BRAF: variants seen among roughly 807,000 people sequenced by gnomAD.
BRAF encodes serine/threonine-protein kinase B-raf.
Under a neutral mutation model 104.6 loss-of-function variants are expected in BRAF, and 16 were observed. The observed-to-expected ratio is 0.15, with a 90% CI of 0.10 to 0.23. BRAF has a LOEUF of 0.23. BRAF is among the 10% of genes least tolerant of loss of function. The probability of loss-of-function intolerance (pLI) is 1.00; values close to 1 mark genes in which losing one functional copy is unlikely to be tolerated. For synonymous variants in BRAF, 310 were observed against 341.6 expected, an observed-to-expected ratio of 0.91 and a Z score of 1.02; for missense variants, 541 against 937.3, an observed-to-expected ratio of 0.58 and a Z score of 5.52.
At chr7:140,763,443 G>T (rs1168446498) in intron 14 of BRAF, among the ~76,000 whole-genome samples, 1 of 152,104 alleles carries the variant, frequency 6.6e-6, no homozygotes, top group Non-Finnish European at 1.5e-5. Context: ...CCCGGACGAG[G>T]CAGCTGGCTG....
chr7:140,850,618 T>C (rs1178500728), intron 1 of BRAF, among the ~76,000 whole-genome samples: 1 of 152,196 alleles, frequency 6.6e-6, no homozygotes. Context: ...AAATACTATA[T>C]ATAAAATACT....
intron 3 of BRAF, among the ~76,000 whole-genome samples, chr7:140,813,909 A>ACACACACG: frequency 6.6e-6 from 1 of 152,150 alleles, no homozygotes; most frequent in African/African-American, 2.4e-5. Context: ...ACACACACAC[A>ACACACACG]CACACCCTCC....
intron 5 of BRAF, among the ~76,000 whole-genome samples, chr7:140,804,992 T>G (rs1562968275): frequency 1.3e-5 from 2 of 151,756 alleles, no homozygotes; most frequent in Non-Finnish European, 2.9e-5. Context: ...TTTGGAGAGA[T>G]GAGGTTTTGT....
Position 140,882,390 on chromosome 7 carries a change from T to G in BRAF, c.139-32178A>C, listed in dbSNP as rs973478090. ...AAGTATCTTTTTTTTTTTTTTTTTT[T>G]TGTGAGATGGAGTCTTGCTCTGTCA... On this transcript the variant is annotated intron_variant, in intron 1 of 19. Coordinates refer to ENST00000644969, the MANE Select transcript of BRAF (RefSeq NM_001374258.1). Among the ~76,000 whole-genome samples the G allele has an allele frequency of 2.2e-3, 337 of 150,614 alleles. 1 individual carries two copies. Among genetic ancestry groups the G allele is most frequent in the African/African-American group, 7.8e-3 (322 of 41,058 alleles).
intron 4 of BRAF, 161 bp from the exon 5 acceptor site, chr7:140,808,223 AATTTT>A (rs1803856502): frequency 1.5e-6 from 1 of 683,312 alleles, no homozygotes; most frequent in Non-Finnish European, 2.7e-6. Flanking sequence ...GCAATAAATT[AATTTT>A]AAGTTTACCC....
intron 1 of BRAF, among the ~76,000 whole-genome samples, chr7:140,866,665 G>A (rs1042132979): frequency 6.6e-6 from 1 of 152,144 alleles, no homozygotes; most frequent in Non-Finnish European, 1.5e-5. Context: ...AGCCACCTTA[G>A]TCAAGATGTT....
intron 1 of BRAF, among the ~76,000 whole-genome samples, chr7:140,907,176 G>C (rs942148094): frequency 2.0e-5 from 3 of 152,140 alleles, no homozygotes; most frequent in Non-Finnish European, 2.9e-5. Flanking sequence ...TCTTCAGCTA[G>C]GCATAATCTC....
In BRAF at chr7:140,724,247, G is replaced by A. The variant is rs566671319; in HGVS notation, c.*2247C>T. The A allele has an allele frequency of 1.9e-6, 2 of 1,059,328 alleles. No homozygotes were observed. The highest frequency in any genetic ancestry group is 1.6e-5 in the African/African-American group (1 of 60,796). The allele number at this position is 1,059,328 out of a possible 1,614,324, so 65.6% of individuals were successfully genotyped here. A position where few individuals can be genotyped will look rare whatever the true frequency, so the allele number is the denominator to read the frequency against. ...GCAGTCCCGGACCCAGGCTGCACAT[G>A]TTCTACCTCCTCAGCAGGACATGAA... On this transcript the variant is annotated 3_prime_UTR_variant, in exon 20 of 20. Coordinates refer to ENST00000644969, the MANE Select transcript of BRAF (RefSeq NM_001374258.1).
chr7:140,881,129 A>G (rs999638343), intron 1 of BRAF, among the ~76,000 whole-genome samples: 1 of 152,212 alleles, frequency 6.6e-6, no homozygotes, highest in African/African-American at 2.4e-5. Flanking sequence ...AATATTCAGT[A>G]AACCATGCTG....
chr7:140,797,852 A>T lies in BRAF; in HGVS notation c.980+2510T>A, dbSNP rs542432767. On this transcript the variant is annotated intron_variant, in intron 7 of 19. Transcript: ENST00000644969. The stretch of plus-strand genomic sequence containing the variant: ...AAAAGATTAATTAAAAACCAACCAA[A>T]TAATAACATTTTGATTTGACCATCT... Among the ~76,000 whole-genome samples the T allele has an allele frequency of 1.1e-4, 16 of 152,284 alleles. No homozygotes were observed. The South Asian group carries it at 1.5e-3, about 14-fold the overall frequency.
chr7:140,753,070 C>T (rs1797914338), intron 16 of BRAF, among the ~76,000 whole-genome samples: 1 of 151,644 alleles, frequency 6.6e-6, no homozygotes, highest in African/African-American at 2.4e-5. Context: ...GTTTGAAATA[C>T]ACTGAAACTG....
Position 140,726,049 on chromosome 7 carries a change from G to C in BRAF, c.*445C>G, listed in dbSNP as rs939141314. 1 of 1,072,738 alleles carries C rather than the reference G, an allele frequency of 9.3e-7. No homozygotes were observed. 66.5% of individuals were successfully genotyped at this position (1,072,738 alleles called of 1,614,324 possible). Reference sequence around the variant, plus strand: ...GAAAGAGCTCCAAAACAAAATTCCAGAACAGGAAAGAGAACGATGCTTGGT... The same window carrying C: ...GAAAGAGCTCCAAAACAAAATTCCACAACAGGAAAGAGAACGATGCTTGGT... On this transcript the variant is annotated 3_prime_UTR_variant, in exon 20 of 20. Transcript: ENST00000644969.
chr7:140,839,165 C>T (rs1807658556), intron 2 of BRAF, among the ~76,000 whole-genome samples: 1 of 152,022 alleles, frequency 6.6e-6, no homozygotes, highest in African/African-American at 2.4e-5. Flanking sequence ...TACTACCTCA[C>T]AACATATCCA....
Position 140,918,230 on chromosome 7 carries a change from T to G in BRAF, c.138+6336A>C, listed in dbSNP as rs114709544. The stretch of plus-strand genomic sequence containing the variant: ...TGGTATAGGGCAGCACTCCCCAACC[T>G]TTTTGGGACCAGTGACCAATTTCAT... On this transcript the variant is annotated intron_variant, in intron 1 of 19. Coordinates refer to ENST00000644969, the MANE Select transcript of BRAF (RefSeq NM_001374258.1). Among the ~76,000 whole-genome samples the G allele has an allele frequency of 7.5e-3, 1,146 of 152,268 alleles. 20 individuals carry two copies. The highest frequency in any genetic ancestry group is 0.026 in the African/African-American group (1,093 of 41,546).
chr7:140,820,269 A>G (rs940316720), intron 3 of BRAF, among the ~76,000 whole-genome samples: 1 of 152,224 alleles, frequency 6.6e-6, no homozygotes. Flanking sequence ...CTTGTTGAGA[A>G]TCAAAATCTT....
rs541281552 is a variant in BRAF, at chr7:140,885,064, C to T, written c.139-34852G>A. 5.9e-5 allele frequency among the ~76,000 whole-genome samples: 9 copies of T among 152,190 alleles called. No individual in the cohort carries two copies. In the East Asian group the frequency reaches 7.7e-4, roughly 13 times the overall value. ...TCGCCCAGGCTGGAGTGCAATGGCA[C>T]GATCTCAGCTCACTTCAACCTTGGC... On this transcript the variant is annotated intron_variant, in intron 1 of 19. Coordinates refer to ENST00000644969, the MANE Select transcript of BRAF (RefSeq NM_001374258.1).
Position 140,723,884 on chromosome 7 carries a change from G to A in BRAF, c.*2610C>T, listed in dbSNP as rs1795448533. ...TTTTAGGAGCTCAGTAAGTCTAACT[G>A]TTGTCTAAGCATCAAAAAATAAAGC... is the stretch of plus-strand genomic sequence containing the variant. On this transcript the variant is annotated 3_prime_UTR_variant, in exon 20 of 20. Transcript: ENST00000644969. 3 of 1,046,094 alleles carry A rather than the reference G, an allele frequency of 2.9e-6. No individual in the cohort carries two copies. The highest frequency in any genetic ancestry group is 4.4e-4 in the Middle Eastern group (1 of 2,280). 64.8% of individuals were successfully genotyped at this position (1,046,094 alleles called of 1,614,324 possible).
At chr7:140,818,314 ATTTT>A (rs1327965535) in intron 3 of BRAF, among the ~76,000 whole-genome samples, 1 of 142,650 alleles carries the variant, frequency 7.0e-6, no homozygotes, top group East Asian at 2.0e-4. Context: ...AAGTATTTTA[ATTTT>A]TTTTTTTTTT....
At chr7:140,806,967 T>C (rs991748737) in intron 5 of BRAF, among the ~76,000 whole-genome samples, 5 of 152,180 alleles carry the variant, frequency 3.3e-5, no homozygotes, top group Middle Eastern at 3.2e-3. Flanking sequence ...GCAGTAATTA[T>C]CCACCTAGAA....
Sources: allele counts gnomAD v4.1 joint callset (sites outside exome capture counted in the v4.1 genomes callset), GRCh38; gene constraint gnomAD v4.1.1; transcripts MANE v1.5; gene names NCBI Gene and HGNC (gene_info 2026-07-23, HGNC 2026-07-21).